The following HDGFL3 variants were observed in gnomAD, a reference collection of about 807,000 sequenced individuals.
HDGFL3 encodes the protein HDGF like 3.
In HDGFL3, 6 loss-of-function variants were observed where a neutral mutation model predicts 27.6. The ratio of observed to expected loss-of-function variants is 0.22; its 90% CI spans 0.12 to 0.43. The LOEUF (loss-of-function observed/expected upper bound fraction) is 0.43, where lower values mean the gene tolerates loss of function less well. Ranked by LOEUF, HDGFL3 falls within the 20% of genes least tolerant of loss-of-function variation. The pLI is 1.00. For synonymous variants in HDGFL3, 88 were observed against 88.9 expected, an observed-to-expected ratio of 0.99 and a Z score of 0.05; for missense variants, 207 against 250.1, an observed-to-expected ratio of 0.83 and a Z score of 1.16.
chr15:83,200,059 A>G (rs1461284518), intron 1 of HDGFL3, among the ~76,000 whole-genome samples: 1 of 149,640 alleles, frequency 6.7e-6, no homozygotes, highest in African/African-American at 2.5e-5. Flanking sequence ...AAAAAAAAAA[A>G]AAGGCCAGGT....
intron 1 of HDGFL3, among the ~76,000 whole-genome samples, chr15:83,172,157 T>C (rs1198491729): frequency 6.6e-6 from 1 of 152,168 alleles, no homozygotes; most frequent in East Asian, 1.9e-4. Flanking sequence ...TGATTAGGCC[T>C]TGAGGGCTTC....
chr15:83,149,817 C>T (rs1239850558), intron 5 of HDGFL3, among the ~76,000 whole-genome samples: 1 of 151,868 alleles, frequency 6.6e-6, no homozygotes, highest in Non-Finnish European at 1.5e-5. Flanking sequence ...TTAAGGGAGA[C>T]CTTAGGCTGT....
chr15:83,186,776 G>A (rs997909231), intron 1 of HDGFL3, among the ~76,000 whole-genome samples: 5 of 151,972 alleles, frequency 3.3e-5, no homozygotes, highest in African/African-American at 1.2e-4. Context: ...CTACCTGCTG[G>A]GTACAATGCA....
chr15:83,139,359 A>ACATAATT (rs1261907282), intron 5 of HDGFL3, 84 bp from the exon 6 acceptor site: 11 of 792,190 alleles, frequency 1.4e-5, no homozygotes, highest in Middle Eastern at 2.7e-4. Flanking sequence ...CCTAGATAGT[A>ACATAATT]CATAATTGGG....
intron 5 of HDGFL3, among the ~76,000 whole-genome samples, chr15:83,145,240 C>A (rs1477530419): frequency 6.6e-6 from 1 of 152,002 alleles, no homozygotes; most frequent in Non-Finnish European, 1.5e-5. Flanking sequence ...AACTCATATC[C>A]CCAGTCAGCT....
intron 1 of HDGFL3, among the ~76,000 whole-genome samples, chr15:83,181,883 A>G (rs2037385962): frequency 6.6e-6 from 1 of 152,216 alleles, no homozygotes; most frequent in Non-Finnish European, 1.5e-5. Context: ...GTCCACATAG[A>G]TTCTATTTTG....
chr15:83,163,936 T>A, intron 2 of HDGFL3, 63 bp downstream of exon 2: 1 of 1,020,306 alleles, frequency 9.8e-7, no homozygotes, highest in Non-Finnish European at 1.6e-6. Flanking sequence ...TCAGAGATCA[T>A]CCATAACAAT....
intron 1 of HDGFL3, among the ~76,000 whole-genome samples, chr15:83,166,612 G>C (rs1373714002): frequency 6.6e-6 from 1 of 152,172 alleles, no homozygotes; most frequent in African/African-American, 2.4e-5. Context: ...AAGAACCCGA[G>C]ACAGGGTAAT....
At chr15:83,175,943 T>G (rs1044953048) in intron 1 of HDGFL3, among the ~76,000 whole-genome samples, 5 of 152,182 alleles carry the variant, frequency 3.3e-5, no homozygotes, top group African/African-American at 9.7e-5. Context: ...TGAGACAGAT[T>G]CTTAGCCACG....
intron 5 of HDGFL3, chr15:83,144,553 G>GA (rs1430372277): frequency 2.2e-6 from 1 of 455,962 alleles, no homozygotes; most frequent in Non-Finnish European, 4.4e-6. Flanking sequence ...GCCTCATGGT[G>GA]AGATCCATGG....
intron 5 of HDGFL3, among the ~76,000 whole-genome samples, chr15:83,142,066 TTGG>T (rs1264026774): frequency 3.3e-5 from 5 of 152,206 alleles, no homozygotes; most frequent in Non-Finnish European, 7.3e-5. Flanking sequence ...TTATATGCTG[TTGG>T]TGGGAGTGTA....
Position 83,148,632 on chromosome 15 carries a change from A to T in HDGFL3, c.606+2583T>A, listed in dbSNP as rs534376539. Among the ~76,000 whole-genome samples the T allele has an allele frequency of 3.4e-3, 517 of 152,066 alleles. 2 individuals are homozygous for T. Among genetic ancestry groups the T allele is most frequent in the African/African-American group, 9.2e-3 (382 of 41,490 alleles). Reference sequence around the variant, plus strand: ...GTGAGACTCCGTCTCGAAAAAAAAAAAATAATAATAATAATTGCAAAAAGC... The same window carrying T: ...GTGAGACTCCGTCTCGAAAAAAAAATAATAATAATAATAATTGCAAAAAGC... On this transcript the variant is annotated intron_variant, in intron 5 of 5. Transcript: ENST00000299633.
intron 1 of HDGFL3, chr15:83,184,714 G>T (rs1378017130): frequency 6.6e-6 from 1 of 151,988 alleles, no homozygotes; most frequent in Non-Finnish European, 1.5e-5. Flanking sequence ...ATAACTTCAG[G>T]AAACTACCCA....
chr15:83,200,854 T>C (rs2037635500), intron 1 of HDGFL3, among the ~76,000 whole-genome samples: 2 of 143,712 alleles, frequency 1.4e-5, no homozygotes, highest in African/African-American at 5.5e-5. Flanking sequence ...GATTACTTTA[T>C]TCTTTTTTTT....
chr15:83,188,551 G>A (rs1174415249), intron 1 of HDGFL3, among the ~76,000 whole-genome samples: 1 of 152,104 alleles, frequency 6.6e-6, no homozygotes, highest in Non-Finnish European at 1.5e-5. Flanking sequence ...AACTATTAAT[G>A]TATAATATAC....
intron 1 of HDGFL3, among the ~76,000 whole-genome samples, chr15:83,176,067 T>C (rs1596559575): frequency 1.3e-5 from 2 of 152,232 alleles, no homozygotes; most frequent in African/African-American, 4.8e-5. Flanking sequence ...CACTAGTCTT[T>C]TGCCTTGTAG....
intron 5 of HDGFL3, among the ~76,000 whole-genome samples, chr15:83,141,063 T>C (rs957300459): frequency 2.6e-5 from 4 of 152,158 alleles, no homozygotes; most frequent in Admixed American, 6.5e-5. Flanking sequence ...AAATCTGAGA[T>C]TAAAAAATTC....
At chr15:83,155,136 AT>A (rs1485353073) in intron 4 of HDGFL3, among the ~76,000 whole-genome samples, 1 of 152,212 alleles carries the variant, frequency 6.6e-6, no homozygotes, top group Non-Finnish European at 1.5e-5. Context: ...AAGTGTTGGG[AT>A]TATAGGTATG....
intron 1 of HDGFL3, among the ~76,000 whole-genome samples, chr15:83,166,626 T>C (rs1404576374): frequency 1.3e-5 from 2 of 152,166 alleles, no homozygotes. Flanking sequence ...GGGTAATTTA[T>C]AAAGAACAGA....
Sources: gnomAD v4.1 joint callset for allele counts (sites outside exome capture counted in the v4.1 genomes callset) on GRCh38, gnomAD v4.1.1 for gene constraint, MANE v1.5 for transcripts, NCBI Gene and HGNC (gene_info 2026-07-23, HGNC 2026-07-21) for gene names.